ASCC3: variants seen among roughly 807,000 people sequenced by gnomAD.
The protein encoded by ASCC3 is activating signal cointegrator 1 complex subunit 3.
ASCC3 carries 158 observed loss-of-function variants against 256.3 expected under a neutral mutation model. The ratio of observed to expected loss-of-function variants is 0.62; its 90% CI spans 0.54 to 0.70. ASCC3 has a LOEUF of 0.70. ASCC3 is among the 30% of genes least tolerant of loss of function. ASCC3 has a pLI of 0.00. For missense variants in ASCC3, 2,259 were observed against 2,626.0 expected (o/e 0.86, Z 3.05); for synonymous variants, 948 against 883.4 (o/e 1.07, Z -1.30).
intron 25 of ASCC3, among the ~76,000 whole-genome samples, chr6:100,632,494 A>G (rs1298458957): frequency 6.6e-6 from 1 of 152,194 alleles, no homozygotes; most frequent in Non-Finnish European, 1.5e-5. Flanking sequence ...AAGGAAGCAC[A>G]GAGACCTTGA....
rs1433146824 is a variant in ASCC3, at chr6:100,732,642, T to C, written c.1738-6939A>G. Reference sequence around the variant, plus strand: ...ACCTGTGACTAACTCACTCATTCAATGTCCTTAGATGTGTGTCTATGGTTA... The same window carrying C: ...ACCTGTGACTAACTCACTCATTCAACGTCCTTAGATGTGTGTCTATGGTTA... On this transcript the variant is annotated intron_variant, in intron 10 of 41. Coordinates refer to ENST00000369162, the MANE Select transcript of ASCC3 (RefSeq NM_006828.4). 3.3e-5 allele frequency among the ~76,000 whole-genome samples: 5 copies of C among 150,552 alleles called. No homozygotes were observed. The Admixed American group carries it at 3.3e-4, about 10-fold the overall frequency.
intron 36 of ASCC3, among the ~76,000 whole-genome samples, chr6:100,576,610 T>A (rs886245709): frequency 2.0e-5 from 3 of 151,970 alleles, no homozygotes; most frequent in Non-Finnish European, 4.4e-5. Flanking sequence ...ACTTGAAGGG[T>A]TATTTGATGC....
chr6:100,848,767 T>C, intron 3 of ASCC3, 60 bp from the exon 4 acceptor site: 1 of 1,525,472 alleles, frequency 6.6e-7, no homozygotes, highest in Non-Finnish European at 9.0e-7. Context: ...AGTTACGATC[T>C]TCCAAAAAAT....
chr6:100,521,897 T>C (rs1406473328), intron 37 of ASCC3, among the ~76,000 whole-genome samples: 1 of 152,190 alleles, frequency 6.6e-6, no homozygotes, highest in African/African-American at 2.4e-5. Context: ...GCAGTTTTCC[T>C]GGCAGATAAG....
chr6:100,866,114 C>T (rs1279834511), intron 2 of ASCC3, among the ~76,000 whole-genome samples: 7 of 151,970 alleles, frequency 4.6e-5, no homozygotes, highest in African/African-American at 1.2e-4. Context: ...GGATTACAGG[C>T]GCCCACCACC....
At chr6:100,555,733 C>A (rs1769538549) in intron 36 of ASCC3, among the ~76,000 whole-genome samples, 1 of 152,172 alleles carries the variant, frequency 6.6e-6, no homozygotes, top group African/African-American at 2.4e-5. Context: ...AAATAAAAAT[C>A]TCAAGGCTGT....
At chr6:100,577,348 G>A (rs769051296) in intron 36 of ASCC3, among the ~76,000 whole-genome samples, 2 of 151,864 alleles carry the variant, frequency 1.3e-5, no homozygotes, top group African/African-American at 2.4e-5. Flanking sequence ...GATCCAAAGA[G>A]GGCCTCTATT....
rs192984933 is a variant in ASCC3 at position 100,693,793 on chromosome 6, G to T, written c.2152-14041C>A. Reference sequence around the variant, plus strand: ...TATGAGAAACTAATGCTGTAAGGAAGCAGTTTAAAAATTTTTTTTAGCTGT... The same window carrying T: ...TATGAGAAACTAATGCTGTAAGGAATCAGTTTAAAAATTTTTTTTAGCTGT... On this transcript the variant is annotated intron_variant, in intron 13 of 41. Coordinates refer to ENST00000369162, the MANE Select transcript of ASCC3 (RefSeq NM_006828.4). Among the ~76,000 whole-genome samples the T allele has an allele frequency of 9.9e-5, 15 of 152,212 alleles. 1 individual carries two copies. The highest frequency in any genetic ancestry group is 2.6e-4 in the African/African-American group (11 of 41,544).
chr6:100,808,961 A>G (rs1225926489), intron 4 of ASCC3, among the ~76,000 whole-genome samples: 1 of 151,970 alleles, frequency 6.6e-6, no homozygotes, highest in African/African-American at 2.4e-5. Context: ...AAACACGGAC[A>G]AGATACAGTA....
chr6:100,638,970 C>A, intron 24 of ASCC3, 149 bp from the exon 25 acceptor site: 1 of 701,656 alleles, frequency 1.4e-6, no homozygotes, highest in Non-Finnish European at 2.5e-6. Context: ...ACAGATCTGG[C>A]ATTTCAACAA....
At chr6:100,637,756 G>A (rs1470747496) in intron 25 of ASCC3, among the ~76,000 whole-genome samples, 3 of 152,166 alleles carry the variant, frequency 2.0e-5, no homozygotes, top group African/African-American at 7.2e-5. Flanking sequence ...GAAAGGCACT[G>A]CAGATGTGGT....
intron 8 of ASCC3, among the ~76,000 whole-genome samples, chr6:100,785,804 C>G (rs763705796): frequency 2.0e-5 from 3 of 152,068 alleles, no homozygotes; most frequent in Non-Finnish European, 2.9e-5. Flanking sequence ...AGAAGCATAA[C>G]AAAAACAAAT....
At chr6:100,659,902 A>G (rs1468289301) in intron 16 of ASCC3, among the ~76,000 whole-genome samples, 2 of 151,644 alleles carry the variant, frequency 1.3e-5, no homozygotes, top group Non-Finnish European at 3.0e-5. Context: ...TACATACTAC[A>G]TACATTTTTT....
At chr6:100,699,744 T>G (rs1287004010) in intron 13 of ASCC3, among the ~76,000 whole-genome samples, 1 of 152,014 alleles carries the variant, frequency 6.6e-6, no homozygotes, top group Non-Finnish European at 1.5e-5. Context: ...TGGTCTTAGA[T>G]GGAGATGAGG....
At chr6:100,836,808 G>A (rs1336664614) in intron 4 of ASCC3, among the ~76,000 whole-genome samples, 11 of 152,058 alleles carry the variant, frequency 7.2e-5, no homozygotes, top group Admixed American at 5.9e-4. Context: ...AATAATTTGA[G>A]TAGAACTATT....
At chr6:100,729,456 C>T (rs1399412240) in intron 10 of ASCC3, among the ~76,000 whole-genome samples, 12 of 152,142 alleles carry the variant, frequency 7.9e-5, no homozygotes, top group Non-Finnish European at 1.5e-4. Flanking sequence ...AGCTAGGTAA[C>T]GATGCACCTC....
At chr6:100,568,122 CT>C (rs1201155568) in intron 36 of ASCC3, among the ~76,000 whole-genome samples, 2 of 151,890 alleles carry the variant, frequency 1.3e-5, no homozygotes, top group Non-Finnish European at 2.9e-5. Context: ...AAACCTAGCA[CT>C]TTGGGAGGCT....
chr6:100,720,422 T>C (rs372421574), intron 11 of ASCC3, among the ~76,000 whole-genome samples: 68 of 152,006 alleles, frequency 4.5e-4, no homozygotes, highest in Middle Eastern at 3.4e-3. Flanking sequence ...AAATTTTCCA[T>C]AGATGGATGG....
intron 8 of ASCC3, among the ~76,000 whole-genome samples, chr6:100,774,242 C>A (rs1168790396): frequency 6.6e-6 from 1 of 152,186 alleles, no homozygotes; most frequent in Admixed American, 6.5e-5. Flanking sequence ...ACTGCAACCT[C>A]AAACTTCTGG....
Sources: allele counts gnomAD v4.1 joint callset (sites outside exome capture counted in the v4.1 genomes callset), GRCh38; gene constraint gnomAD v4.1.1; transcripts MANE v1.5; gene names NCBI Gene and HGNC (gene_info 2026-07-23, HGNC 2026-07-21).